Variants in PRELID2 observed in about 807,000 individuals in gnomAD.
PRELID2 encodes PRELI domain containing 2.
Under a neutral mutation model 28.4 loss-of-function variants are expected in PRELID2, and 25 were observed. The ratio of observed to expected loss-of-function variants is 0.88; its 90% CI spans 0.64 to 1.23. The LOEUF (loss-of-function observed/expected upper bound fraction) is 1.23. Among genes scored for constraint, PRELID2 ranks in the 50% most tolerant of loss-of-function variants. The probability of loss-of-function intolerance (pLI) is 0.00; values close to 1 mark genes in which losing one functional copy is unlikely to be tolerated. For missense variants in PRELID2, 201 were observed against 214.4 expected, an observed-to-expected ratio of 0.94 and a Z score of 0.39; for synonymous variants, 76 against 71.6, an observed-to-expected ratio of 1.06 and a Z score of -0.31.
chr5:145,229,018 TGGA>T, the PRELID2 span: 10 of 1,602,290 alleles, frequency 6.2e-6, no homozygotes, highest in South Asian at 4.4e-5. Flanking sequence ...AGGGAGTTTG[TGGA>T]GGAGTTCATC....
intron 1 of PRELID2, among the ~76,000 whole-genome samples, chr5:145,624,821 T>G (rs980527340): frequency 1.1e-4 from 16 of 152,174 alleles, no homozygotes; most frequent in Non-Finnish European, 2.4e-4. Context: ...CTAAGAAATT[T>G]GCAACATGTG....
chr5:145,617,981 C>T (rs1443982858), intron 1 of PRELID2, among the ~76,000 whole-genome samples: 1 of 152,198 alleles, frequency 6.6e-6, no homozygotes, highest in Non-Finnish European at 1.5e-5. Context: ...GATCCACCCA[C>T]CTCGGCCTCC....
chr5:145,342,675 T>C, the PRELID2 span, among the ~76,000 whole-genome samples: 3 of 152,044 alleles, frequency 2.0e-5, no homozygotes, highest in East Asian at 3.9e-4. Context: ...GATCTATTGC[T>C]AGAGAATTAT....
chr5:145,499,971 G>A (rs2126633112), intron 1 of PRELID2, among the ~76,000 whole-genome samples: 1 of 152,320 alleles, frequency 6.6e-6, no homozygotes, highest in Admixed American at 6.5e-5. Context: ...ATTAAGAGCT[G>A]TCAGGCTTGG....
At chr5:145,658,464 A>G (rs1754432945) in intron 1 of PRELID2, among the ~76,000 whole-genome samples, 1 of 152,184 alleles carries the variant, frequency 6.6e-6, no homozygotes, top group Admixed American at 6.5e-5. Context: ...GGTGGGGCCT[A>G]GTGGAAAGTA....
chr5:145,653,801 G>A (rs886470718), intron 1 of PRELID2, among the ~76,000 whole-genome samples: 2 of 152,164 alleles, frequency 1.3e-5, no homozygotes, highest in African/African-American at 4.8e-5. Context: ...AAGCAGGAAA[G>A]ATCTAAAATT....
intron 1 of PRELID2, among the ~76,000 whole-genome samples, chr5:145,675,243 G>C (rs1174577092): frequency 6.6e-6 from 1 of 151,998 alleles, no homozygotes; most frequent in Non-Finnish European, 1.5e-5. Context: ...GATATAAAGA[G>C]ATATTTCACC....
intron 1 of PRELID2, among the ~76,000 whole-genome samples, chr5:145,640,643 C>CAAA (rs750960595): frequency 1.4e-5 from 1 of 73,872 alleles, no homozygotes; most frequent in African/African-American, 3.9e-5. Flanking sequence ...GACTCTGTCT[C>CAAA]AAAAAAAAAA....
Position 145,656,569 on chromosome 5 carries a change from G to T in PRELID2, n.70+108362C>A, listed in dbSNP as rs188602672. On this transcript the variant is annotated intron_variant and non_coding_transcript_variant, in intron 1 of 2. Transcript: ENST00000510259. ...CATATACACCATGGAATACTATGCA[G>T]CCATAAAAAATCATGAGTTCATGTC... is the stretch of plus-strand genomic sequence containing the variant. Among the ~76,000 whole-genome samples, 431 of 152,154 alleles carry T rather than the reference G, an allele frequency of 2.8e-3. 2 individuals carry two copies. The highest frequency in any genetic ancestry group is 3.9e-3 in the Non-Finnish European group (264 of 68,008).
the PRELID2 span, among the ~76,000 whole-genome samples, chr5:145,333,036 G>C: frequency 1.3e-5 from 2 of 152,194 alleles, no homozygotes; most frequent in African/African-American, 2.4e-5. Flanking sequence ...CTCTGCTGCA[G>C]GTCTGCTGGA....
intron 1 of PRELID2, chr5:145,729,347 G>A: frequency 1.4e-6 from 1 of 717,394 alleles, no homozygotes; most frequent in Non-Finnish European, 2.2e-6. Flanking sequence ...CCCATATCAT[G>A]CCTCTGTTCT....
At chr5:145,669,125 A>G (rs1754654411) in intron 1 of PRELID2, among the ~76,000 whole-genome samples, 1 of 152,108 alleles carries the variant, frequency 6.6e-6, no homozygotes, top group African/African-American at 2.4e-5. Context: ...TTAGGAAAAG[A>G]TAGAGAATTA....
the PRELID2 span, among the ~76,000 whole-genome samples, chr5:145,424,693 C>A: frequency 6.6e-6 from 1 of 152,158 alleles, no homozygotes; most frequent in African/African-American, 2.4e-5. Context: ...CTGTGTCGCT[C>A]ACACTGGGAG....
chr5:145,471,727 T>G (rs574211969), downstream of PRELID2: 1 of 152,266 alleles, frequency 6.6e-6, no homozygotes, highest in Non-Finnish European at 1.5e-5. Context: ...GCATATTAAA[T>G]TTGTGGCATT....
At chr5:145,435,922 C>T in the PRELID2 span, among the ~76,000 whole-genome samples, 1 of 152,098 alleles carries the variant, frequency 6.6e-6, no homozygotes, top group African/African-American at 2.4e-5. Flanking sequence ...AGATACCTAA[C>T]TTACAAGATT....
intron 3 of PRELID2, chr5:145,819,397 C>G (rs2149864134): frequency 6.2e-7 from 1 of 1,602,886 alleles, no homozygotes; most frequent in South Asian, 1.1e-5. Context: ...AACAAAGAAT[C>G]ACCAGAGTGC....
intron 1 of PRELID2, among the ~76,000 whole-genome samples, chr5:145,661,671 A>T (rs868409713): frequency 0.015 from 2,211 of 147,854 alleles, 73 homozygotes; most frequent in African/African-American, 0.054. Context: ...GCCATTAAAA[A>T]AAAAAAAAAA....
the PRELID2 span, among the ~76,000 whole-genome samples, chr5:145,362,436 C>G: frequency 1.3e-5 from 2 of 152,142 alleles, no homozygotes; most frequent in Non-Finnish European, 2.9e-5. Context: ...ACAGCCTTAT[C>G]ATACTGCTGT....
chr5:145,248,026 C>T, the PRELID2 span, among the ~76,000 whole-genome samples: 1 of 152,020 alleles, frequency 6.6e-6, no homozygotes, highest in Non-Finnish European at 1.5e-5. Flanking sequence ...TGAAGAAAAT[C>T]ATAACTAATA....
Sources: allele counts gnomAD v4.1 joint callset (sites outside exome capture counted in the v4.1 genomes callset), GRCh38; gene constraint gnomAD v4.1.1; transcripts MANE v1.5; gene names NCBI Gene and HGNC (gene_info 2026-07-23, HGNC 2026-07-21).